Variants in SPAM1 observed in about 807,000 individuals in gnomAD.
SPAM1 encodes the protein hyaluronidase PH-20.
Under a neutral mutation model 29.6 loss-of-function variants are expected in SPAM1, and 22 were observed. The ratio of observed to expected loss-of-function variants is 0.74; its 90% CI spans 0.53 to 1.06. The LOEUF (loss-of-function observed/expected upper bound fraction) is 1.06, where lower values mean the gene tolerates loss of function less well. Among genes scored for constraint, SPAM1 ranks in the 50% least tolerant of loss-of-function variants. The pLI, the probability that SPAM1 is intolerant of heterozygous loss-of-function variation, is 0.00. For synonymous variants in SPAM1, 194 were observed against 204.6 expected, an observed-to-expected ratio of 0.95 and a Z score of 0.44; for missense variants, 534 against 604.0, an observed-to-expected ratio of 0.88 and a Z score of 1.21.
rs776835654 is a variant in SPAM1 at position 123,959,931 on chromosome 7, AT to A, written c.1496del (p.Leu499CysfsTer8). On this transcript the variant is annotated frameshift_variant, in exon 5 of 5. Coordinates refer to ENST00000682466, the MANE Select transcript of SPAM1 (RefSeq NM_153189.3). LOFTEE classifies it high-confidence loss of function. ...TLSATMFIVSILFLIISSVAS... is the reference protein window; with the variant it reads ...TLSATMFIVSXLFLIISSVAS... ...ATCTGCCACAATGTTCATTGTTAGT[AT>A]TTTGTTTCTTATCATTTCTTCTGTA... 6.2e-7 allele frequency: 1 copy of A among 1,610,854 alleles called. No homozygotes were observed. The highest frequency in any genetic ancestry group is 1.1e-5 in the South Asian group (1 of 90,590).
chr7:123,946,228 G>A (rs1180824902), intron 1 of SPAM1, among the ~76,000 whole-genome samples: 1 of 152,152 alleles, frequency 6.6e-6, no homozygotes, highest in South Asian at 2.1e-4. Context: ...TTGGAAGCAA[G>A]TAAAACTCAG....
At chr7:123,934,627 G>A (rs961095243) in intron 1 of SPAM1, among the ~76,000 whole-genome samples, 1 of 149,198 alleles carries the variant, frequency 6.7e-6, no homozygotes, top group Non-Finnish European at 1.5e-5. Flanking sequence ...AAGAAAATAT[G>A]GTATATAAAC....
chr7:123,931,117 T>C lies in SPAM1; in HGVS notation c.-319+5765T>C, dbSNP rs532100783. ...GAGGATGCTGCTTGCACACTTCATGTTGTTGGGGCCTAGAAAGTAATACCC... is the reference window on the plus strand; with the variant it reads ...GAGGATGCTGCTTGCACACTTCATGCTGTTGGGGCCTAGAAAGTAATACCC... On this transcript the variant is annotated intron_variant, in intron 1 of 4. Coordinates refer to ENST00000682466, the MANE Select transcript of SPAM1 (RefSeq NM_153189.3). Among the ~76,000 whole-genome samples the C allele has an allele frequency of 6.6e-5, 10 of 152,236 alleles. No homozygotes were observed. In the South Asian group the frequency reaches 1.7e-3, roughly 25 times the overall value.
chr7:123,968,971 T>A (rs897810660), intron 5 of SPAM1, among the ~76,000 whole-genome samples: 3 of 152,044 alleles, frequency 2.0e-5, no homozygotes, highest in Non-Finnish European at 4.4e-5. Flanking sequence ...ATTATAGGCA[T>A]TTTCTCATTT....
At position 123,966,490 on chromosome 7, in the gene SPAM1, A is replaced by G. The variant is rs188195106; in HGVS notation, c.1486-3708A>G. On this transcript the variant is annotated intron_variant, in intron 5 of 6. Transcript: ENST00000340011. ...GCACATGTACGTTCATTGCAGCCTT[A>G]TTCACAATAGCAAAGACGTAATCAA... is the stretch of plus-strand genomic sequence containing the variant. Among the ~76,000 whole-genome samples, 6 of 152,212 alleles carry G rather than the reference A, an allele frequency of 3.9e-5. No homozygotes were observed. In the East Asian group the frequency reaches 1.2e-3, roughly 29 times the overall value.
chr7:123,966,652 G>T (rs1792428637), intron 5 of SPAM1, among the ~76,000 whole-genome samples: 1 of 152,056 alleles, frequency 6.6e-6, no homozygotes, highest in African/African-American at 2.4e-5. Context: ...GTTATCCTCA[G>T]CAAACTAACA....
downstream of SPAM1, among the ~76,000 whole-genome samples, chr7:123,962,065 C>T (rs1348830353): frequency 6.6e-6 from 1 of 151,996 alleles, no homozygotes; most frequent in Non-Finnish European, 1.5e-5. Flanking sequence ...CAAAGCATAT[C>T]ACTATGGTAG....
chr7:123,960,683 C>T (rs180977949), downstream of SPAM1, among the ~76,000 whole-genome samples: 107 of 151,828 alleles, frequency 7.0e-4, no homozygotes, highest in African/African-American at 2.1e-3. Flanking sequence ...TTCCCCATAC[C>T]CCCCTAGAAA....
At chr7:123,968,204 G>C (rs980529457) in intron 5 of SPAM1, among the ~76,000 whole-genome samples, 1 of 152,082 alleles carries the variant, frequency 6.6e-6, no homozygotes, top group African/African-American at 2.4e-5. Flanking sequence ...AGTAGCTGCT[G>C]AGGGGCAGTT....
chr7:123,960,733 T>C (rs1254857561), downstream of SPAM1, among the ~76,000 whole-genome samples: 2 of 151,870 alleles, frequency 1.3e-5, no homozygotes, highest in Non-Finnish European at 2.9e-5. Flanking sequence ...TCCATTCGGC[T>C]AGGTACTCTC....
intron 1 of SPAM1, among the ~76,000 whole-genome samples, chr7:123,945,260 A>G (rs1808542291): frequency 6.6e-6 from 1 of 152,318 alleles, no homozygotes; most frequent in East Asian, 1.9e-4. Flanking sequence ...AGTTTGAATT[A>G]GACAAAAAGT....
chr7:123,954,223 A>G lies in SPAM1; in HGVS notation c.653A>G (p.Tyr218Cys). Residue 218 changes from tyrosine (Y) to cysteine (C), a missense_variant, in exon 3 of 5, where the codon TAT (tyrosine) becomes TGT (cysteine). Physicochemically the swap from Tyr to Cys is radical, Grantham distance 194. Coordinates refer to ENST00000682466, the MANE Select transcript of SPAM1 (RefSeq NM_153189.3). ...CTTCGGCCAAATCACTTGTGGGGTT[A>G]TTATCTTTTTCCGGATTGTTACAAC... is the stretch of plus-strand genomic sequence containing the variant. The part of the protein sequence containing the change: ...KLLRPNHLWG[Y>C]YLFPDCYNHH... The G allele has an allele frequency of 6.2e-7, 1 of 1,613,494 alleles. No homozygotes were observed. The highest frequency in any genetic ancestry group is 8.5e-7 in the Non-Finnish European group (1 of 1,179,666).
At chr7:123,960,164 G>T (rs536387503), downstream of SPAM1, 2 of 695,234 alleles carry the variant, frequency 2.9e-6, no homozygotes, top group South Asian at 5.6e-5. Flanking sequence ...TCAACCATGA[G>T]TTCAGGGATT....
chr7:123,937,303 C>T (rs1226867384), intron 1 of SPAM1, among the ~76,000 whole-genome samples: 2 of 151,994 alleles, frequency 1.3e-5, no homozygotes, highest in Non-Finnish European at 2.9e-5. Context: ...CACATAGCTT[C>T]TTAAAAAAAC....
At chr7:123,961,028 AT>A (rs145585135), downstream of SPAM1, among the ~76,000 whole-genome samples, 2,391 of 151,658 alleles carry the variant, frequency 0.016, 55 homozygotes, top group African/African-American at 0.055. Context: ...AATCTTTTTT[AT>A]TTTTTTCTCT....
Position 123,927,495 on chromosome 7 carries a change from A to T in SPAM1, c.-319+2143A>T, listed in dbSNP as rs577545818. 2.0e-4 allele frequency among the ~76,000 whole-genome samples: 30 copies of T among 152,210 alleles called. No homozygotes were observed. In the South Asian group the frequency reaches 3.3e-3, roughly 17 times the overall value. On this transcript the variant is annotated intron_variant, in intron 1 of 4. Coordinates refer to ENST00000682466, the MANE Select transcript of SPAM1 (RefSeq NM_153189.3). ...TGACAATAGCTAGCTGTCCCTAGGA[A>T]TTTATGCAGCTGCTTTTTGGTTTTG...
chr7:123,951,800 C>G (rs1808776101), intron 2 of SPAM1, among the ~76,000 whole-genome samples: 1 of 151,848 alleles, frequency 6.6e-6, no homozygotes. Flanking sequence ...TTTTGTATTT[C>G]TAGTGGAGAT....
Position 123,956,566 on chromosome 7 carries a change from T to C in SPAM1, c.1044+1480T>C, listed in dbSNP as rs182019980. Among the ~76,000 whole-genome samples, 23 of 152,134 alleles carry C rather than the reference T, an allele frequency of 1.5e-4. No individual in the cohort carries two copies. The East Asian group carries it at 3.7e-3, about 24-fold the overall frequency. On this transcript the variant is annotated intron_variant, in intron 4 of 4. Transcript: ENST00000682466. Reference sequence around the variant, plus strand: ...CCTACTGCTCCCAGCTGAGACCTAATTGTTAAATATTCAGGGATTTTGTGA... The same window carrying C: ...CCTACTGCTCCCAGCTGAGACCTAACTGTTAAATATTCAGGGATTTTGTGA...
At chr7:123,931,980 A>G (rs1325974515) in intron 1 of SPAM1, among the ~76,000 whole-genome samples, 1 of 152,220 alleles carries the variant, frequency 6.6e-6, no homozygotes, top group Admixed American at 6.5e-5. Context: ...TGCCTATAGG[A>G]CATATGCCTG....
Sources: gnomAD v4.1 joint callset for allele counts (sites outside exome capture counted in the v4.1 genomes callset) on GRCh38, gnomAD v4.1.1 for gene constraint, MANE v1.5 for transcripts, NCBI Gene and HGNC (gene_info 2026-07-23, HGNC 2026-07-21) for gene names.